The following RIMS1 variants were observed in gnomAD, a reference collection of about 807,000 sequenced individuals.
RIMS1 encodes the protein regulating synaptic membrane exocytosis 1.
Under a neutral mutation model 214.1 loss-of-function variants are expected in RIMS1, and 83 were observed. The ratio of observed to expected loss-of-function variants is 0.39; its 90% CI spans 0.32 to 0.47. The LOEUF (loss-of-function observed/expected upper bound fraction) is 0.47. Among genes scored for constraint, RIMS1 ranks in the 20% least tolerant of loss-of-function variants. The pLI, the probability that RIMS1 is intolerant of heterozygous loss-of-function variation, is 0.99. For synonymous variants in RIMS1, 793 were observed against 786.8 expected (o/e 1.01, Z -0.13); for missense variants, 2,050 against 2,161.8 (o/e 0.95, Z 1.03).
chr6:72,081,541 G>A (rs1411359114), intron 2 of RIMS1, among the ~76,000 whole-genome samples: 1 of 152,110 alleles, frequency 6.6e-6, no homozygotes, highest in Non-Finnish European at 1.5e-5. Context: ...AAAGCATTAT[G>A]ACACTTTTTT....
chr6:72,270,111 T>C (rs1307470841), intron 22 of RIMS1, among the ~76,000 whole-genome samples: 3 of 152,166 alleles, frequency 2.0e-5, no homozygotes, highest in African/African-American at 7.2e-5. Context: ...TTCCACGATA[T>C]CACCATATAG....
chr6:72,228,988 G>T (rs1022573168), intron 6 of RIMS1, among the ~76,000 whole-genome samples: 1 of 151,666 alleles, frequency 6.6e-6, no homozygotes, highest in Non-Finnish European at 1.5e-5. Flanking sequence ...AAACAATAGC[G>T]CTAACAAACT....
chr6:72,183,922 G>T (rs1169434835), intron 6 of RIMS1, among the ~76,000 whole-genome samples: 1 of 152,130 alleles, frequency 6.6e-6, no homozygotes, highest in Non-Finnish European at 1.5e-5. Context: ...TAGACTACGT[G>T]GCGCCATTTG....
intron 19 of RIMS1, 50 bp downstream of exon 19, chr6:72,260,817 C>T: frequency 6.2e-7 from 1 of 1,601,184 alleles, no homozygotes. Context: ...ACTCTCTTTC[C>T]ATTCTATTAT....
At chr6:72,210,984 G>A (rs774857060) in intron 6 of RIMS1, among the ~76,000 whole-genome samples, 8 of 152,152 alleles carry the variant, frequency 5.3e-5, no homozygotes, top group Non-Finnish European at 1.2e-4. Context: ...GACCTAAAGG[G>A]AAGTGCTAAA....
intron 28 of RIMS1, among the ~76,000 whole-genome samples, chr6:72,332,858 T>C (rs1276514305): frequency 1.3e-5 from 2 of 151,770 alleles, no homozygotes; most frequent in South Asian, 2.1e-4. Flanking sequence ...AGGAATCTAT[T>C]CAGGTAAACT....
intron 8 of RIMS1, among the ~76,000 whole-genome samples, chr6:72,236,516 A>G (rs2064116918): frequency 1.3e-5 from 2 of 152,200 alleles, no homozygotes; most frequent in South Asian, 2.1e-4. Flanking sequence ...TGTAGAAATA[A>G]TAATTCAACT....
chr6:71,968,997 A>G lies in RIMS1; in HGVS notation c.179A>G (p.Asp60Gly). 2 of 1,614,006 alleles carry G rather than the reference A, an allele frequency of 1.2e-6. No homozygotes were observed. Among genetic ancestry groups the G allele is most frequent in the Non-Finnish European group, 1.7e-6 (2 of 1,179,862 alleles). ...ATGCGCCCCAGGTGTGTTGTCAGGGACATGGCGAAGCCTGCTGCCTGCAAA... is the reference window on the plus strand; with the variant it reads ...ATGCGCCCCAGGTGTGTTGTCAGGGGCATGGCGAAGCCTGCTGCCTGCAAA... ...EEAMLKCVVR[D>G]MAKPAACKTP... Residue 60 changes from aspartate to glycine, a missense_variant, in exon 2 of 34, where the codon GAC becomes GGC. Asp to Gly is a moderately conservative substitution (Grantham distance 94). Transcript: ENST00000521978.
chr6:72,227,953 A>C (rs555699366), intron 6 of RIMS1, among the ~76,000 whole-genome samples: 4 of 152,046 alleles, frequency 2.6e-5, no homozygotes, highest in African/African-American at 9.6e-5. Context: ...GGAACTTTTA[A>C]AAGGGAAATA....
intron 29 of RIMS1, among the ~76,000 whole-genome samples, chr6:72,338,530 G>A (rs969664657): frequency 2.6e-5 from 4 of 151,892 alleles, no homozygotes; most frequent in African/African-American, 9.7e-5. Context: ...GAGTGAACAG[G>A]CAACCTACAG....
In RIMS1 at chr6:72,123,181, T is replaced by A. The variant is rs548808375; in HGVS notation, c.471+23195T>A. On this transcript the variant is annotated intron_variant, in intron 4 of 33. Transcript: ENST00000521978. Reference sequence around the variant, plus strand: ...ATTATGATATGTTGTGTCTTTGTTCTCGTTGGTTTCAAAGAACATCTTTAT... The same window carrying A: ...ATTATGATATGTTGTGTCTTTGTTCACGTTGGTTTCAAAGAACATCTTTAT... 5.9e-5 allele frequency among the ~76,000 whole-genome samples: 9 copies of A among 152,042 alleles called. No individual in the cohort carries two copies. The East Asian group carries it at 1.7e-3, about 29-fold the overall frequency.
Position 72,097,126 on chromosome 6 carries a change from G to A in RIMS1, c.423G>A (p.Ala141=), listed in dbSNP as rs377211296. Residue 141 remains alanine (A), a synonymous_variant, in exon 3 of 34, where the codon GCG becomes GCA. Transcript: ENST00000521978. ...CCTATTGTCGCACTAAGTTCTGTGC[G>A]CGCTGCGGAGGCCGCGTGTCTCTAC... ...LCSYCRTKFC[A]RCGGRVSLRS... is the part of the protein sequence containing the mutation. 48 of 1,613,970 alleles carry A rather than the reference G, an allele frequency of 3.0e-5. No homozygotes were observed. The highest frequency in any genetic ancestry group is 6.7e-5 in the Admixed American group (4 of 60,018).
At chr6:72,289,938 T>C (rs2093070513) in intron 24 of RIMS1, among the ~76,000 whole-genome samples, 1 of 152,180 alleles carries the variant, frequency 6.6e-6, no homozygotes, top group East Asian at 1.9e-4. Flanking sequence ...ACATCAGTTG[T>C]TTATTTTTAA....
chr6:72,262,710 T>C (rs1161613887), intron 19 of RIMS1: 1 of 774,178 alleles, frequency 1.3e-6, no homozygotes, highest in African/African-American at 1.9e-5. Flanking sequence ...CACAACTTTA[T>C]ATGGATATAT....
chr6:71,940,662 T>C (rs1053717548), intron 1 of RIMS1, among the ~76,000 whole-genome samples: 1 of 152,190 alleles, frequency 6.6e-6, no homozygotes, highest in South Asian at 2.1e-4. Context: ...AGAAGGATTT[T>C]CAAGTGCTAG....
chr6:72,139,756 T>C (rs1268650056), intron 4 of RIMS1, among the ~76,000 whole-genome samples: 1 of 152,158 alleles, frequency 6.6e-6, no homozygotes, highest in Admixed American at 6.5e-5. Context: ...ATTTCCCTAA[T>C]GTGTACATTG....
intron 31 of RIMS1, among the ~76,000 whole-genome samples, chr6:72,394,803 T>C (rs2098754510): frequency 6.6e-6 from 1 of 152,010 alleles, no homozygotes; most frequent in South Asian, 2.1e-4. Flanking sequence ...AATGAATGTC[T>C]AGAACAACAA....
At chr6:71,956,031 T>G (rs1791166320) in intron 1 of RIMS1, among the ~76,000 whole-genome samples, 1 of 152,088 alleles carries the variant, frequency 6.6e-6, no homozygotes, top group Non-Finnish European at 1.5e-5. Flanking sequence ...TATGTAGTAT[T>G]AGAGACAATG....
intron 2 of RIMS1, among the ~76,000 whole-genome samples, chr6:72,082,018 G>A (rs967357443): frequency 2.0e-5 from 3 of 152,132 alleles, no homozygotes; most frequent in Non-Finnish European, 1.5e-5. Context: ...AATGATGGCT[G>A]ACTAATTCAG....
Sources: gnomAD v4.1 joint callset for allele counts (sites outside exome capture counted in the v4.1 genomes callset) on GRCh38, gnomAD v4.1.1 for gene constraint, MANE v1.5 for transcripts, NCBI Gene and HGNC (gene_info 2026-07-23, HGNC 2026-07-21) for gene names.